Variants in SLC38A3 observed in about 807,000 individuals in gnomAD.
The protein encoded by SLC38A3 is solute carrier family 38 member 3.
In SLC38A3, 17 loss-of-function variants were observed where a neutral mutation model predicts 59.5. The ratio of observed to expected loss-of-function variants is 0.29; its 90% CI spans 0.20 to 0.43. SLC38A3 has a LOEUF of 0.43. SLC38A3 is among the 20% of genes least tolerant of loss of function. The pLI is 1.00. For synonymous variants in SLC38A3, 238 were observed against 260.3 expected (o/e 0.91, Z 0.82); for missense variants, 454 against 653.9 (o/e 0.69, Z 3.33).
In SLC38A3 at chr3:50,213,966, A is replaced by G. The variant is rs972496291; in HGVS notation, c.-51-183A>G. On this transcript the variant is annotated intron_variant, in intron 1 of 15. Coordinates refer to ENST00000614032, the MANE Select transcript of SLC38A3 (RefSeq NM_006841.6). ...GGTGTCCCATCAGAACGTCCTAGGA[A>G]CTCAGGTGTCTGAGCTGGATTCCCC... Among the ~76,000 whole-genome samples, 5 of 152,218 alleles carry G rather than the reference A, an allele frequency of 3.3e-5. No homozygotes were observed. The South Asian group carries it at 6.2e-4, about 19-fold the overall frequency.
At chr3:50,211,695 TCTC>T (rs1699732947) in intron 1 of SLC38A3, among the ~76,000 whole-genome samples, 1 of 149,828 alleles carries the variant, frequency 6.7e-6, no homozygotes, top group South Asian at 2.1e-4. Flanking sequence ...TTCAAGCAAT[TCTC>T]CTGCCTCAGC....
chr3:50,211,827 TC>T (rs1699735243), intron 1 of SLC38A3, among the ~76,000 whole-genome samples: 1 of 152,058 alleles, frequency 6.6e-6, no homozygotes, highest in Non-Finnish European at 1.5e-5. Flanking sequence ...CCTCAGGTGA[TC>T]CTGCTCTCCT....
Position 50,217,985 on chromosome 3 carries a change from T to G in SLC38A3, c.924T>G (p.Thr308=), listed in dbSNP as rs1699844176. ...ACCCCGAGGTGCTGCCCATCTATACTGAGCTCAAGGAGTAGGTGTCTGTGG... is the reference window on the plus strand; with the variant it reads ...ACCCCGAGGTGCTGCCCATCTATACGGAGCTCAAGGAGTAGGTGTCTGTGG... ...VCHPEVLPIY[T]ELKDPSKKKM... is the part of the protein sequence containing the mutation. Residue 308 remains threonine, a synonymous_variant, in exon 11 of 16, where the codon ACT becomes ACG. Coordinates refer to ENST00000614032, the MANE Select transcript of SLC38A3 (RefSeq NM_006841.6). The surrounding 1 kb of genome is among the most constrained non-coding windows in gnomAD (Gnocchi z 4.9). 4.3e-6 allele frequency: 7 copies of G among 1,613,866 alleles called. No individual in the cohort carries two copies. Among genetic ancestry groups the G allele is most frequent in the Non-Finnish European group, 4.2e-6 (5 of 1,179,870 alleles).
Position 50,218,600 on chromosome 3 carries a change from G to C in SLC38A3, c.1044G>C (p.Val348=), listed in dbSNP as rs1431952976. 1 of 1,612,672 alleles carries C rather than the reference G, an allele frequency of 6.2e-7. No homozygotes were observed. The highest frequency in any genetic ancestry group is 1.1e-5 in the South Asian group (1 of 91,062). The change falls in exon 13 of 16, where the codon GTG becomes GTC. Residue 348 remains valine (V), a synonymous_variant. Coordinates refer to ENST00000614032, the MANE Select transcript of SLC38A3 (RefSeq NM_006841.6). This position sits in a 1 kb window ranked among gnomAD's most constrained non-coding sequence, Gnocchi z 5.8. The part of the protein sequence containing the change: ...LFGYLTFYNG[V]ESELLHTYSK... ...CCTCCCTGCCTGCCACAGACGGGGT[G>C]GAGTCGGAGCTGCTGCACACCTACA...
Position 50,217,719 on chromosome 3 carries a change from A to C in SLC38A3, c.734A>C (p.Asn245Thr). 2 of 1,613,786 alleles carry C rather than the reference A, an allele frequency of 1.2e-6. No homozygotes were observed. Among genetic ancestry groups the C allele is most frequent in the Non-Finnish European group, 1.7e-6 (2 of 1,179,818 alleles). Reference sequence around the variant, plus strand: ...CACGTGCCCTGCCCACTGCCCCCCAACTTCAACAACACCACAGGCAACTTC... The same window carrying C: ...CACGTGCCCTGCCCACTGCCCCCCACCTTCAACAACACCACAGGCAACTTC... ...KFHVPCPLPP[N>T]FNNTTGNFSH... The change falls in exon 10 of 16, where the codon AAC becomes ACC. Residue 245 changes from asparagine to threonine, a missense_variant. Physicochemically the swap from Asn to Thr is moderately conservative, Grantham distance 65. This residue lies in a region of SLC38A3 where 390 missense variants were observed against 557.9 expected (regional missense o/e 0.70). Transcript: ENST00000614032. The surrounding 1 kb of genome is among the most constrained non-coding windows in gnomAD (Gnocchi z 4.9).
Position 50,218,797 on chromosome 3 carries a change from C to T in SLC38A3, c.1162-7C>T. The T allele has an allele frequency of 6.2e-7, 1 of 1,603,384 alleles. No individual in the cohort carries two copies. The highest frequency in any genetic ancestry group is 2.2e-5 in the East Asian group (1 of 44,554). ...CAGGCTGATGATTCTTCTCACCTGC[C>T]CCCCAGGTGCGCCGCGCCATCCAGC... is the stretch of plus-strand genomic sequence containing the variant. On this transcript the variant is annotated splice_polypyrimidine_tract_variant and splice_region_variant and intron_variant, in intron 13 of 15. Coordinates refer to ENST00000614032, the MANE Select transcript of SLC38A3 (RefSeq NM_006841.6). The surrounding 1 kb of genome is among the most constrained non-coding windows in gnomAD (Gnocchi z 5.8).
Position 50,218,087 on chromosome 3 carries a change from C to A in SLC38A3, c.935+91C>A. ...GTCCTGAATGTGGAGAGGGGAGTGACAGGAGCCAAGTCACTTTATCTGAGA... is the reference window on the plus strand; with the variant it reads ...GTCCTGAATGTGGAGAGGGGAGTGAAAGGAGCCAAGTCACTTTATCTGAGA... On this transcript the variant is annotated intron_variant, in intron 11 of 15. Coordinates refer to ENST00000614032, the MANE Select transcript of SLC38A3 (RefSeq NM_006841.6). The surrounding 1 kb of genome is among the most constrained non-coding windows in gnomAD (Gnocchi z 5.8). 7.4e-7 allele frequency: 1 copy of A among 1,346,074 alleles called. No individual in the cohort carries two copies. The highest frequency in any genetic ancestry group is 1.1e-6 in the Non-Finnish European group (1 of 949,956). 83.4% of individuals were successfully genotyped at this position (1,346,074 alleles called of 1,614,324 possible).
intron 1 of SLC38A3, among the ~76,000 whole-genome samples, chr3:50,209,386 A>G (rs888217543): frequency 5.3e-5 from 8 of 152,022 alleles, no homozygotes; most frequent in Non-Finnish European, 7.4e-5. Context: ...CAGTGGCTCA[A>G]GCCTGTAATC....
chr3:50,218,237 G>GT lies in SLC38A3; in HGVS notation c.936-32dup, dbSNP rs757418685. 4.2e-5 allele frequency: 59 copies of GT among 1,393,952 alleles called. No individual in the cohort carries two copies. Among genetic ancestry groups the GT allele is most frequent in the Non-Finnish European group, 5.8e-5 (57 of 977,808 alleles). The allele number at this position is 1,393,952 out of a possible 1,614,324, so 86.3% of individuals were successfully genotyped here. ...GGGGTCTCCCAATGTTACCCAGCTT[G>GT]TCACCAACACCCACCCCCCCACTTC... On this transcript the variant is annotated intron_variant, in intron 11 of 15. Transcript: ENST00000614032. This position sits in a 1 kb window ranked among gnomAD's most constrained non-coding sequence, Gnocchi z 5.8.
intron 1 of SLC38A3, among the ~76,000 whole-genome samples, chr3:50,206,007 C>T (rs1033869350): frequency 7.2e-5 from 11 of 152,218 alleles, no homozygotes; most frequent in Admixed American, 2.0e-4. Context: ...GAGGCCGGGG[C>T]GCCGTGCGAG....
At position 50,214,160 on chromosome 3, in the gene SLC38A3, TTGG is replaced by T. The variant is rs1386433347; in HGVS notation, c.-37_-35del. The T allele has an allele frequency of 1.9e-6, 3 of 1,584,278 alleles. No homozygotes were observed. In the South Asian group the frequency reaches 3.4e-5, roughly 18 times the overall value. Reference sequence around the variant, plus strand: ...CGGCTGCTCTGCAGACATCTGACTGTTGGTGTGAGACCAGTGCTCCTGGTGGTG... The same window carrying T: ...CGGCTGCTCTGCAGACATCTGACTGTTGTGAGACCAGTGCTCCTGGTGGTG... On this transcript the variant is annotated 5_prime_UTR_variant, in exon 2 of 16. Transcript: ENST00000614032. This position sits in a 1 kb window ranked among gnomAD's most constrained non-coding sequence, Gnocchi z 6.0.
At chr3:50,210,353 C>T (rs1699706654) in intron 1 of SLC38A3, among the ~76,000 whole-genome samples, 1 of 152,200 alleles carries the variant, frequency 6.6e-6, no homozygotes, top group East Asian at 1.9e-4. Context: ...AGCTGTCTCT[C>T]TCCTGAGATC....
At position 50,221,142 on chromosome 3, in the gene SLC38A3, A is replaced by C. The variant is rs973148656; in HGVS notation, c.*965A>C. 1 of 119,464 alleles carries C rather than the reference A, an allele frequency of 8.4e-6. No individual in the cohort carries two copies. The highest frequency in any genetic ancestry group is 2.5e-4 in the South Asian group (1 of 3,970). The allele number at this position is 119,464 out of a possible 1,614,324, so 7.4% of individuals were successfully genotyped here. A position where few individuals can be genotyped will look rare whatever the true frequency, so the allele number is the denominator to read the frequency against. On this transcript the variant is annotated 3_prime_UTR_variant, in exon 16 of 16. Transcript: ENST00000614032. Reference sequence around the variant, plus strand: ...CCACCCCCTGCCTCCCAAACTAACCAGTGGCACACTCAGACCCAGCTCTGG... The same window carrying C: ...CCACCCCCTGCCTCCCAAACTAACCCGTGGCACACTCAGACCCAGCTCTGG...
At chr3:50,216,756 C>T (rs1699824537) in intron 7 of SLC38A3, among the ~76,000 whole-genome samples, 2 of 150,666 alleles carry the variant, frequency 1.3e-5, no homozygotes, top group Admixed American at 6.6e-5. Context: ...AAGGCACGCC[C>T]TTTGTTTTGT....
At chr3:50,216,167 C>T (rs1014443462) in intron 7 of SLC38A3, among the ~76,000 whole-genome samples, 1 of 152,246 alleles carries the variant, frequency 6.6e-6, no homozygotes, top group Admixed American at 6.5e-5. Context: ...ATGGGGTTGC[C>T]CCCCCCAACC....
At chr3:50,211,721 TG>T (rs1380507299) in intron 1 of SLC38A3, among the ~76,000 whole-genome samples, 4 of 152,070 alleles carry the variant, frequency 2.6e-5, no homozygotes, top group Non-Finnish European at 5.9e-5. Context: ...CCTGCGTAGC[TG>T]GGATTACAGG....
chr3:50,212,935 G>A (rs1699754114), intron 1 of SLC38A3, among the ~76,000 whole-genome samples: 1 of 152,202 alleles, frequency 6.6e-6, no homozygotes. Flanking sequence ...GCCTGGCAGG[G>A]CTGCCCCCCT....
At chr3:50,209,648 C>CAA (rs113482440) in intron 1 of SLC38A3, among the ~76,000 whole-genome samples, 6 of 114,944 alleles carry the variant, frequency 5.2e-5, no homozygotes, top group African/African-American at 2.0e-4. Context: ...GACTCCGTCT[C>CAA]AAAAAAAAAA....
chr3:50,218,559 G>T lies in SLC38A3; in HGVS notation c.1037-34G>T. 2 of 1,604,170 alleles carry T rather than the reference G, an allele frequency of 1.2e-6. No individual in the cohort carries two copies. The highest frequency in any genetic ancestry group is 8.5e-7 in the Non-Finnish European group (1 of 1,175,194). ...GCTCAGATCCCACCTCCTTCCTGGG[G>T]CCACCTACTGACCACCCTCCCTGCC... is the stretch of plus-strand genomic sequence containing the variant. On this transcript the variant is annotated intron_variant, in intron 12 of 15. Coordinates refer to ENST00000614032, the MANE Select transcript of SLC38A3 (RefSeq NM_006841.6). This position sits in a 1 kb window ranked among gnomAD's most constrained non-coding sequence, Gnocchi z 5.8.
Sources: gnomAD v4.1 joint callset for allele counts (sites outside exome capture counted in the v4.1 genomes callset) on GRCh38, gnomAD v4.1.1 for gene constraint, gnomAD v4.1.1 regional missense constraint, Gnocchi (gnomAD v3.1) non-coding constraint, MANE v1.5 for transcripts, NCBI Gene and HGNC (gene_info 2026-07-23, HGNC 2026-07-21) for gene names.